The following NCKAP5 variants were observed in gnomAD, a reference collection of about 807,000 sequenced individuals.
NCKAP5 encodes the protein nck-associated protein 5.
In NCKAP5, 92 loss-of-function variants were observed where a neutral mutation model predicts 167.0. The ratio of observed to expected loss-of-function variants is 0.55; its 90% CI spans 0.47 to 0.66. The LOEUF (loss-of-function observed/expected upper bound fraction) is 0.66, where lower values mean the gene tolerates loss of function less well. NCKAP5 is among the 30% of genes least tolerant of loss of function. The pLI, the probability that NCKAP5 is intolerant of heterozygous loss-of-function variation, is 0.00. For missense variants in NCKAP5, 2,378 were observed against 2,315.0 expected, an observed-to-expected ratio of 1.03 and a Z score of -0.56; for synonymous variants, 891 against 877.4, an observed-to-expected ratio of 1.02 and a Z score of -0.27.
chr2:133,425,148 G>A (rs1442632129), intron 3 of NCKAP5, among the ~76,000 whole-genome samples: 1 of 152,206 alleles, frequency 6.6e-6, no homozygotes, highest in Non-Finnish European at 1.5e-5. Context: ...ACCAACCTCT[G>A]TTCCAAACAT....
intron 6 of NCKAP5, chr2:133,122,506 C>T (rs2082280886): frequency 6.6e-6 from 1 of 152,232 alleles, no homozygotes; most frequent in Non-Finnish European, 1.5e-5. Context: ...TTTACCAAAC[C>T]AGTTCAAATA....
At chr2:133,344,058 C>G (rs1443775951) in intron 3 of NCKAP5, among the ~76,000 whole-genome samples, 2 of 152,106 alleles carry the variant, frequency 1.3e-5, no homozygotes, top group Non-Finnish European at 2.9e-5. Flanking sequence ...AGGCAGGTGT[C>G]AGTCATTCTT....
intron 5 of NCKAP5, among the ~76,000 whole-genome samples, chr2:133,201,051 A>C (rs2150121142): frequency 6.6e-6 from 1 of 152,316 alleles, no homozygotes; most frequent in Non-Finnish European, 1.5e-5. Context: ...CAATAATAAA[A>C]TAGAATCATT....
At chr2:132,928,692 C>T (rs550809094) in intron 8 of NCKAP5, among the ~76,000 whole-genome samples, 1 of 152,204 alleles carries the variant, frequency 6.6e-6, no homozygotes, top group South Asian at 2.1e-4. Flanking sequence ...CGAATTTGAA[C>T]ATAACTATTA....
rs182727630 is a variant in NCKAP5 at position 132,807,097 on chromosome 2, G to C, written c.808-10368C>G. 1.4e-3 allele frequency among the ~76,000 whole-genome samples: 214 copies of C among 152,132 alleles called. 1 individual carries two copies. Among genetic ancestry groups the C allele is most frequent in the African/African-American group, 4.9e-3 (203 of 41,552 alleles). ...ATTTGGGTTTATTTCTGGGTTCTCT[G>C]TTCTGTTCCTTTGGTCTATGTGCCT... is the stretch of plus-strand genomic sequence containing the variant. On this transcript the variant is annotated intron_variant, in intron 11 of 19. Coordinates refer to ENST00000409261, the MANE Select transcript of NCKAP5 (RefSeq NM_207363.3).
Position 133,467,618 on chromosome 2 carries a change from C to T in NCKAP5, c.69+49840G>A, listed in dbSNP as rs1300594933. The stretch of plus-strand genomic sequence containing the variant: ...TCCTCCTTGTACCTCTGGTAGAATT[C>T]AGCTATGGATCCATCTGGTCCTGGA... On this transcript the variant is annotated intron_variant, in intron 3 of 19. Coordinates refer to ENST00000409261, the MANE Select transcript of NCKAP5 (RefSeq NM_207363.3). 3.1e-3 allele frequency among the ~76,000 whole-genome samples: 472 copies of T among 150,106 alleles called. 8 individuals are homozygous for T. The highest frequency in any genetic ancestry group is 0.011 in the African/African-American group (437 of 40,414).
chr2:133,574,106 A>G, the NCKAP5 span, among the ~76,000 whole-genome samples: 1 of 150,076 alleles, frequency 6.7e-6, no homozygotes, highest in Non-Finnish European at 1.5e-5. Flanking sequence ...AGTTGATAAT[A>G]CTAAGAAATG....
intron 2 of NCKAP5, among the ~76,000 whole-genome samples, chr2:133,529,357 A>G (rs1167451984): frequency 3.3e-5 from 5 of 152,132 alleles, no homozygotes; most frequent in Non-Finnish European, 7.4e-5. Context: ...TGGCATTGAC[A>G]TCTATTGTTC....
chr2:133,455,421 C>G (rs1691787524), intron 3 of NCKAP5, among the ~76,000 whole-genome samples: 1 of 152,042 alleles, frequency 6.6e-6, no homozygotes, highest in South Asian at 2.1e-4. Flanking sequence ...TATTATTACT[C>G]TACCTTCGCC....
At chr2:133,364,926 C>G (rs1685358817) in intron 3 of NCKAP5, among the ~76,000 whole-genome samples, 1 of 151,812 alleles carries the variant, frequency 6.6e-6, no homozygotes, top group Non-Finnish European at 1.5e-5. Context: ...AATTTTTAAA[C>G]TTTTTGTAGA....
At chr2:132,909,555 G>A (rs942251900) in intron 8 of NCKAP5, among the ~76,000 whole-genome samples, 1 of 152,052 alleles carries the variant, frequency 6.6e-6, no homozygotes, top group Admixed American at 6.6e-5. Context: ...ATCGACAATG[G>A]TTCTGAGATA....
chr2:133,374,306 T>C (rs758261278), intron 3 of NCKAP5, among the ~76,000 whole-genome samples: 2 of 152,114 alleles, frequency 1.3e-5, no homozygotes, highest in African/African-American at 2.4e-5. Context: ...AAGGAAAAGC[T>C]ATAGAGAAGA....
intron 8 of NCKAP5, among the ~76,000 whole-genome samples, chr2:132,921,582 T>C (rs1304310279): frequency 6.6e-6 from 1 of 152,156 alleles, no homozygotes; most frequent in East Asian, 1.9e-4. Flanking sequence ...ATATCTAACC[T>C]AGTCTTTGAT....
At chr2:133,302,764 T>G (rs1680476800) in intron 4 of NCKAP5, among the ~76,000 whole-genome samples, 1 of 149,438 alleles carries the variant, frequency 6.7e-6, no homozygotes, top group South Asian at 2.1e-4. Flanking sequence ...ACATGTACCC[T>G]AAAACTTAGA....
intron 4 of NCKAP5, among the ~76,000 whole-genome samples, chr2:133,253,408 C>A (rs144124675): frequency 6.6e-6 from 1 of 152,290 alleles, no homozygotes; most frequent in African/African-American, 2.4e-5. Flanking sequence ...GTATATCCCA[C>A]AAATTAAGTA....
In NCKAP5 at chr2:132,883,585, G is replaced by C. The variant is rs376638330; in HGVS notation, c.580-4669C>G. On this transcript the variant is annotated intron_variant, in intron 8 of 19. Coordinates refer to ENST00000409261, the MANE Select transcript of NCKAP5 (RefSeq NM_207363.3). Reference sequence around the variant, plus strand: ...CTGCCTCTCTGAGACAGCCACCTGGGTCTGCTCACTTTCCAGCCTTGCCCA... The same window carrying C: ...CTGCCTCTCTGAGACAGCCACCTGGCTCTGCTCACTTTCCAGCCTTGCCCA... 9.9e-5 allele frequency among the ~76,000 whole-genome samples: 15 copies of C among 152,202 alleles called. No homozygotes were observed. In the East Asian group the frequency reaches 1.7e-3, roughly 18 times the overall value.
chr2:132,854,505 T>C (rs1689312621), intron 11 of NCKAP5, among the ~76,000 whole-genome samples: 1 of 152,240 alleles, frequency 6.6e-6, no homozygotes, highest in East Asian at 1.9e-4. Context: ...GAATTTCTCA[T>C]GCCTTTGCAC....
chr2:132,811,449 C>T (rs1326057467), intron 11 of NCKAP5, among the ~76,000 whole-genome samples: 2 of 152,188 alleles, frequency 1.3e-5, no homozygotes, highest in East Asian at 3.9e-4. Context: ...GCTGCTGCTG[C>T]TGTAGGAGAT....
chr2:133,149,988 G>T (rs1395654763), intron 5 of NCKAP5, among the ~76,000 whole-genome samples: 2 of 152,030 alleles, frequency 1.3e-5, no homozygotes, highest in Non-Finnish European at 2.9e-5. Context: ...CCAATCAATT[G>T]TTTATTCACT....
Sources: gnomAD v4.1 joint callset for allele counts (sites outside exome capture counted in the v4.1 genomes callset) on GRCh38, gnomAD v4.1.1 for gene constraint, MANE v1.5 for transcripts, NCBI Gene and HGNC (gene_info 2026-07-23, HGNC 2026-07-21) for gene names.